The following YIPF4 variants were observed in gnomAD, a reference collection of about 807,000 sequenced individuals.
YIPF4 encodes protein YIPF4.
YIPF4 carries 18 observed loss-of-function variants against 29.4 expected under a neutral mutation model. The observed-to-expected ratio is 0.61, with a 90% confidence interval of 0.42 to 0.91. YIPF4 has a LOEUF of 0.91. Ranked by LOEUF, YIPF4 falls within the 40% of genes least tolerant of loss-of-function variation. YIPF4 has a pLI of 0.00. For missense variants in YIPF4, 279 were observed against 282.7 expected, an observed-to-expected ratio of 0.99 and a Z score of 0.09; for synonymous variants, 115 against 104.7, an observed-to-expected ratio of 1.10 and a Z score of -0.60.
chr2:32,291,334 A>G (rs1179671293), intron 2 of YIPF4, among the ~76,000 whole-genome samples: 5 of 152,370 alleles, frequency 3.3e-5, no homozygotes, highest in Non-Finnish European at 7.3e-5. Context: ...TAGAAGTTCA[A>G]GATGAGCCTG....
intron 3 of YIPF4, among the ~76,000 whole-genome samples, chr2:32,294,690 C>T (rs1033146194): frequency 4.1e-4 from 62 of 152,186 alleles, no homozygotes; most frequent in Admixed American, 1.9e-3. Flanking sequence ...GCTGCATTCT[C>T]GGCACTTTGG....
intron 3 of YIPF4, among the ~76,000 whole-genome samples, chr2:32,296,907 C>T (rs1461385971): frequency 1.3e-5 from 2 of 152,272 alleles, no homozygotes; most frequent in African/African-American, 4.8e-5. Context: ...CTGTTTCCCT[C>T]AATCATTTTA....
At chr2:32,282,301 T>A (rs1293257344) in intron 1 of YIPF4, among the ~76,000 whole-genome samples, 1 of 152,188 alleles carries the variant, frequency 6.6e-6, no homozygotes, top group African/African-American at 2.4e-5. Flanking sequence ...TGCTATCTCC[T>A]CAAGTTTCTT....
At chr2:32,288,953 G>A (rs1005673620) in intron 1 of YIPF4, among the ~76,000 whole-genome samples, 2 of 152,166 alleles carry the variant, frequency 1.3e-5, no homozygotes, top group Non-Finnish European at 2.9e-5. Context: ...ACAACAGAGT[G>A]AGGCTCTGAT....
rs1459070147 is a variant in YIPF4 at position 32,313,731 on chromosome 2, T to G, written c.*8105T>G. 2.7e-5 allele frequency: 4 copies of G among 149,090 alleles called. No homozygotes were observed. Among genetic ancestry groups the G allele is most frequent in the Non-Finnish European group, 5.9e-5 (4 of 67,572 alleles). The allele number at this position is 149,090 out of a possible 1,614,324, so 9.2% of individuals were successfully genotyped here. ...CTTTATTTTATTTTATTAGACAAAG[T>G]CTTGCTCTGTTGCCAGGCTGGAGTG... is the stretch of plus-strand genomic sequence containing the variant. On this transcript the variant is annotated 3_prime_UTR_variant, in exon 6 of 6. Transcript: ENST00000238831.
chr2:32,296,798 C>T (rs1219792281), intron 3 of YIPF4, among the ~76,000 whole-genome samples: 1 of 152,122 alleles, frequency 6.6e-6, no homozygotes, highest in East Asian at 1.9e-4. Flanking sequence ...ATGCAAATAT[C>T]CTGTTTCTCA....
chr2:32,278,465 C>T (rs1438932969), intron 1 of YIPF4, among the ~76,000 whole-genome samples: 5 of 152,186 alleles, frequency 3.3e-5, no homozygotes, highest in Non-Finnish European at 7.4e-5. Context: ...CCTTGGTTTT[C>T]CCCATACCGT....
At chr2:32,299,793 C>T (rs544281770) in intron 4 of YIPF4, among the ~76,000 whole-genome samples, 6 of 152,118 alleles carry the variant, frequency 3.9e-5, no homozygotes, top group East Asian at 3.9e-4. Flanking sequence ...GCCTGGCCGA[C>T]GGTGAAATCT....
Position 32,278,193 on chromosome 2 carries a change from C to T in YIPF4, c.38C>T (p.Thr13Ile). 1 of 1,574,146 alleles carries T rather than the reference C, an allele frequency of 6.4e-7. No homozygotes were observed. ...GGCCCGCCCCCGGCCTATGCCCCCA[C>T]TAACGGGGACTTCACCTTTGTCTCC... ...PPGPPPAYAP[T>I]NGDFTFVSSA... The change falls in exon 1 of 6, where the codon ACT (threonine) becomes ATT (isoleucine). Residue 13 changes from threonine (T) to isoleucine (I), a missense_variant. By Grantham distance (89) the Thr-to-Ile change is moderately conservative (BLOSUM62 -1). Transcript: ENST00000238831.
intron 3 of YIPF4, among the ~76,000 whole-genome samples, chr2:32,294,515 C>A (rs926235090): frequency 6.6e-6 from 1 of 151,090 alleles, no homozygotes; most frequent in African/African-American, 2.4e-5. Context: ...GGATGGCGGC[C>A]GGGAAGAGGG....
At chr2:32,297,398 G>A (rs2031234892) in intron 3 of YIPF4, among the ~76,000 whole-genome samples, 3 of 152,052 alleles carry the variant, frequency 2.0e-5, no homozygotes, top group Admixed American at 2.0e-4. Flanking sequence ...TGGAATGACA[G>A]GCGTGAGCCA....
chr2:32,293,945 A>AC (rs1340912917), intron 3 of YIPF4, among the ~76,000 whole-genome samples: 1 of 115,294 alleles, frequency 8.7e-6, no homozygotes, highest in Non-Finnish European at 1.8e-5. Flanking sequence ...CGGGGGGCTG[A>AC]CCCCCCCAAC....
At chr2:32,286,601 A>G (rs932612272) in intron 1 of YIPF4, among the ~76,000 whole-genome samples, 1 of 152,026 alleles carries the variant, frequency 6.6e-6, no homozygotes, top group African/African-American at 2.4e-5. Flanking sequence ...GCTGGAGTGC[A>G]GTGGCGCGAT....
rs1028264835 is a variant in YIPF4 at position 32,314,114 on chromosome 2, T to A, written c.*8488T>A. On this transcript the variant is annotated 3_prime_UTR_variant, in exon 6 of 6. Coordinates refer to ENST00000238831, the MANE Select transcript of YIPF4 (RefSeq NM_032312.4). The stretch of plus-strand genomic sequence containing the variant: ...TGTACAAGAATGTGCACAGTTAACA[T>A]TATTCAAATAGCCAAAAACGGGAAC... 1 of 152,218 alleles carries A rather than the reference T, an allele frequency of 6.6e-6. No homozygotes were observed. The highest frequency in any genetic ancestry group is 1.5e-5 in the Non-Finnish European group (1 of 68,042). 9.4% of individuals were successfully genotyped at this position (152,218 alleles called of 1,614,324 possible). A position where few individuals can be genotyped will look rare whatever the true frequency, so the allele number is the denominator to read the frequency against.
At chr2:32,303,431 G>T (rs1418252046) in intron 5 of YIPF4, among the ~76,000 whole-genome samples, 1 of 152,176 alleles carries the variant, frequency 6.6e-6, no homozygotes, top group Non-Finnish European at 1.5e-5. Context: ...AAATAGGCCA[G>T]GTATGGTGGC....
chr2:32,304,578 T>G (rs1013779714), intron 5 of YIPF4, among the ~76,000 whole-genome samples: 2 of 152,178 alleles, frequency 1.3e-5, no homozygotes, highest in Non-Finnish European at 2.9e-5. Context: ...TGGAGGCATT[T>G]TTGAGGAGTG....
rs1435145706 is a variant in YIPF4, at chr2:32,311,608, A to G, written c.*5982A>G. On this transcript the variant is annotated 3_prime_UTR_variant, in exon 6 of 6. Coordinates refer to ENST00000238831, the MANE Select transcript of YIPF4 (RefSeq NM_032312.4). ...ATATGAAAAAGAATATTTGTGTAAA[A>G]TATTTTGAAGTTGTAATTAGTGTAT... 1 of 152,212 alleles carries G rather than the reference A, an allele frequency of 6.6e-6. No homozygotes were observed. Among genetic ancestry groups the G allele is most frequent in the Non-Finnish European group, 1.5e-5 (1 of 68,024 alleles). The allele number at this position is 152,212 out of a possible 1,614,324, so 9.4% of individuals were successfully genotyped here.
intron 5 of YIPF4, among the ~76,000 whole-genome samples, chr2:32,302,612 T>C (rs115376726): frequency 0.011 from 1,615 of 152,284 alleles, 17 homozygotes; most frequent in Middle Eastern, 0.051. Flanking sequence ...TATTAATAAA[T>C]AGTAGTGTAA....
rs569946065 is a variant in YIPF4, at chr2:32,282,876, A to T, written c.79+4642A>T. On this transcript the variant is annotated intron_variant, in intron 1 of 5. Coordinates refer to ENST00000238831, the MANE Select transcript of YIPF4 (RefSeq NM_032312.4). Reference sequence around the variant, plus strand: ...CGGATCACGAGGTCAGGAGATCAAGACCATCCTGGCTAACAAGGTGAAACC... The same window carrying T: ...CGGATCACGAGGTCAGGAGATCAAGTCCATCCTGGCTAACAAGGTGAAACC... Among the ~76,000 whole-genome samples the T allele has an allele frequency of 1.2e-4, 19 of 152,122 alleles. 1 individual carries two copies. Among genetic ancestry groups the T allele is most frequent in the African/African-American group, 4.3e-4 (18 of 41,530 alleles).
Sources: allele counts gnomAD v4.1 joint callset (sites outside exome capture counted in the v4.1 genomes callset), GRCh38; gene constraint gnomAD v4.1.1; transcripts MANE v1.5; gene names NCBI Gene and HGNC (gene_info 2026-07-23, HGNC 2026-07-21).